The following NFIA variants were observed in gnomAD, a reference collection of about 807,000 sequenced individuals.
NFIA encodes nuclear factor 1 A-type.
A neutral mutation model predicts 62.8 loss-of-function variants in NFIA; 8 were observed. The observed-to-expected ratio is 0.13, with a 90% CI of 0.07 to 0.23. The LOEUF is 0.23. Among genes scored for constraint, NFIA ranks in the 10% least tolerant of loss-of-function variants. The pLI is 1.00. For synonymous variants in NFIA, 235 were observed against 238.1 expected (o/e 0.99, Z 0.12); for missense variants, 410 against 642.1 (o/e 0.64, Z 3.91).
chr1:61,450,300 C>T lies in NFIA; in HGVS notation c.1513-5003C>T, dbSNP rs574420226. Among the ~76,000 whole-genome samples, 4 of 152,320 alleles carry T rather than the reference C, an allele frequency of 2.6e-5. No individual in the cohort carries two copies. The South Asian group carries it at 8.3e-4, about 32-fold the overall frequency. ...AGAAACTCAGAGTCCACTGAGAGAC[C>T]TCATCCATTTCTATCATATTGAGAT... On this transcript the variant is annotated intron_variant, in intron 10 of 10. Coordinates refer to ENST00000403491, the MANE Select transcript of NFIA (RefSeq NM_001134673.4).
intron 2 of NFIA, among the ~76,000 whole-genome samples, chr1:61,235,779 C>T (rs1218902609): frequency 6.7e-6 from 1 of 148,590 alleles, no homozygotes; most frequent in Admixed American, 6.7e-5. Flanking sequence ...TGCCACTGCA[C>T]TCCATCCTGG....
Position 61,326,929 on chromosome 1 carries a change from A to G in NFIA, c.626-5583A>G, listed in dbSNP as rs564635882. On this transcript the variant is annotated intron_variant, in intron 3 of 10. Transcript: ENST00000403491. ...GGTAGGGCCAGAAGTGAGAGAGAAT[A>G]AACAAGAGGCTATATCTAGGTCCCA... Among the ~76,000 whole-genome samples, 5 of 152,084 alleles carry G rather than the reference A, an allele frequency of 3.3e-5. No individual in the cohort carries two copies. The East Asian group carries it at 9.7e-4, about 29-fold the overall frequency.
At chr1:61,370,068 A>G (rs1663805648) in intron 6 of NFIA, among the ~76,000 whole-genome samples, 1 of 152,224 alleles carries the variant, frequency 6.6e-6, no homozygotes, top group Non-Finnish European at 1.5e-5. Context: ...GAGGGAAGAA[A>G]TAAGTCCTTG....
chr1:61,417,747 C>T (rs1352082597), intron 9 of NFIA, among the ~76,000 whole-genome samples: 1 of 151,992 alleles, frequency 6.6e-6, no homozygotes, highest in Non-Finnish European at 1.5e-5. Context: ...AATCAGTAGT[C>T]CCTGATGAAA....
chr1:61,166,557 A>G (rs148865702), intron 2 of NFIA, among the ~76,000 whole-genome samples: 3,818 of 152,278 alleles, frequency 0.025, 65 homozygotes, highest in Non-Finnish European at 0.04. Context: ...TATAGTTTAT[A>G]GACTCTTAGG....
intron 2 of NFIA, among the ~76,000 whole-genome samples, chr1:61,157,812 C>T (rs1468393988): frequency 6.6e-6 from 1 of 152,158 alleles, no homozygotes; most frequent in Non-Finnish European, 1.5e-5. Context: ...GGATTAATAC[C>T]CACTGTCTCT....
intron 9 of NFIA, among the ~76,000 whole-genome samples, chr1:61,413,622 T>C: frequency 4.6e-5 from 2 of 43,434 alleles, no homozygotes. Flanking sequence ...TTGCTTTTTT[T>C]TTTTTTTTTT....
chr1:61,315,916 A>G (rs1027242106), intron 3 of NFIA, among the ~76,000 whole-genome samples: 5 of 152,190 alleles, frequency 3.3e-5, no homozygotes, highest in African/African-American at 1.2e-4. Flanking sequence ...TTTAGGTACA[A>G]TGATGCTGTC....
intron 2 of NFIA, among the ~76,000 whole-genome samples, chr1:61,211,893 T>A (rs1288214404): frequency 6.6e-6 from 1 of 152,100 alleles, no homozygotes; most frequent in African/African-American, 2.4e-5. Context: ...CACTGGGTTT[T>A]GCCATGTTGC....
chr1:61,143,421 A>C (rs1647686042), intron 2 of NFIA, among the ~76,000 whole-genome samples: 2 of 152,086 alleles, frequency 1.3e-5, no homozygotes, highest in South Asian at 4.2e-4. Context: ...GGTCCCTCCC[A>C]CTCTGTCACC....
chr1:61,383,926 T>G (rs1664555241), intron 7 of NFIA, among the ~76,000 whole-genome samples: 1 of 152,252 alleles, frequency 6.6e-6, no homozygotes, highest in Non-Finnish European at 1.5e-5. Flanking sequence ...TTGTCTGGTT[T>G]TCATTGCAAT....
chr1:61,314,071 G>C (rs1660246727), intron 3 of NFIA, among the ~76,000 whole-genome samples: 1 of 152,186 alleles, frequency 6.6e-6, no homozygotes, highest in Non-Finnish European at 1.5e-5. Flanking sequence ...TCACTTTATT[G>C]TTATTGTTAT....
chr1:61,300,054 A>C (rs898702802), intron 3 of NFIA, among the ~76,000 whole-genome samples: 1 of 152,156 alleles, frequency 6.6e-6, no homozygotes, highest in Non-Finnish European at 1.5e-5. Flanking sequence ...TGAGCTGGCC[A>C]GGTCCTCTCA....
intron 1 of NFIA, among the ~76,000 whole-genome samples, chr1:61,083,495 G>A (rs1570111475): frequency 6.6e-6 from 1 of 152,048 alleles, no homozygotes; most frequent in Non-Finnish European, 1.5e-5. Context: ...CCCCTCGGAC[G>A]CGGGCAGGCT....
At chr1:61,291,787 T>C (rs553713465) in intron 3 of NFIA, among the ~76,000 whole-genome samples, 61 of 152,356 alleles carry the variant, frequency 4.0e-4, no homozygotes, top group African/African-American at 1.4e-3. Context: ...AGGGAAAGTA[T>C]AGACTTGAGG....
intron 3 of NFIA, among the ~76,000 whole-genome samples, chr1:61,311,943 T>G (rs948442318): frequency 5.9e-5 from 9 of 152,210 alleles, no homozygotes; most frequent in Non-Finnish European, 1.3e-4. Context: ...GGAATCACCT[T>G]TGCAGTCATA....
At chr1:61,305,636 G>A (rs1363935927) in intron 3 of NFIA, among the ~76,000 whole-genome samples, 1 of 152,138 alleles carries the variant, frequency 6.6e-6, no homozygotes, top group East Asian at 1.9e-4. Flanking sequence ...TTCCTTCAAT[G>A]CTCTTCCAAT....
At chr1:61,092,034 A>G (rs1235605605) in intron 2 of NFIA, among the ~76,000 whole-genome samples, 2 of 152,172 alleles carry the variant, frequency 1.3e-5, no homozygotes, top group East Asian at 3.8e-4. Flanking sequence ...ATTTGATATT[A>G]TTACCTGCCA....
At chr1:61,244,240 TGTG>T (rs1655513408) in intron 2 of NFIA, among the ~76,000 whole-genome samples, 2 of 152,212 alleles carry the variant, frequency 1.3e-5, no homozygotes, top group Non-Finnish European at 2.9e-5. Flanking sequence ...CGATAATAAT[TGTG>T]GTGTTTTGTG....
Sources: allele counts gnomAD v4.1 joint callset (sites outside exome capture counted in the v4.1 genomes callset), GRCh38; gene constraint gnomAD v4.1.1; transcripts MANE v1.5; gene names NCBI Gene and HGNC (gene_info 2026-07-23, HGNC 2026-07-21).